The following GEN1 variants were observed in gnomAD, a reference collection of about 807,000 sequenced individuals.
The protein encoded by GEN1 is flap endonuclease GEN homolog 1.
In GEN1, 64 loss-of-function variants were observed where a neutral mutation model predicts 67.6. The ratio of observed to expected loss-of-function variants is 0.95; its 90% CI spans 0.77 to 1.17. GEN1 has a LOEUF of 1.17. Among genes scored for constraint, GEN1 ranks in the 50% most tolerant of loss-of-function variants. The probability of loss-of-function intolerance (pLI) is 0.00; values close to 1 mark genes in which losing one functional copy is unlikely to be tolerated. For synonymous variants in GEN1, 371 were observed against 359.4 expected, an observed-to-expected ratio of 1.03 and a Z score of -0.37; for missense variants, 1,058 against 1,048.3, an observed-to-expected ratio of 1.01 and a Z score of -0.13.
In GEN1 at chr2:17,781,505, AC is replaced by A. The variant is rs1558414031; in HGVS notation, c.2295del (p.Cys766AlafsTer10). The A allele has an allele frequency of 6.2e-7, 1 of 1,613,694 alleles. No individual in the cohort carries two copies. Among genetic ancestry groups the A allele is most frequent in the South Asian group, 1.1e-5 (1 of 91,082 alleles). On this transcript the variant is annotated frameshift_variant, in exon 14 of 14. Coordinates refer to ENST00000381254, the MANE Select transcript of GEN1 (RefSeq NM_001130009.3). LOFTEE classifies it low-confidence loss of function (END_TRUNC). Reference sequence around the variant, plus strand: ...TTCTGTCAGTAACACAGTGGTAAAGACCTGCAATGTTAGACCACCAAATACT... The same window carrying A: ...TTCTGTCAGTAACACAGTGGTAAAGACTGCAATGTTAGACCACCAAATACT... ...PYSVSNTVVK[T>X]CNVRPPNTAL...
intron 1 of GEN1, among the ~76,000 whole-genome samples, chr2:17,759,163 T>C (rs1200735647): frequency 6.6e-6 from 1 of 152,242 alleles, no homozygotes; most frequent in African/African-American, 2.4e-5. Flanking sequence ...GTTGTATTTG[T>C]GTCGTCAGAT....
intron 11 of GEN1, among the ~76,000 whole-genome samples, chr2:17,774,915 C>T (rs964136373): frequency 2.0e-5 from 3 of 151,914 alleles, no homozygotes; most frequent in African/African-American, 7.3e-5. Flanking sequence ...AAAAAACTAA[C>T]CAAATGCTGC....
At position 17,778,464 on chromosome 2, in the gene GEN1, G is replaced by GTGTATCTATA. The variant is rs1558410267; in HGVS notation, c.1264+402_1264+403insGTATCTATAT. Among the ~76,000 whole-genome samples the GTGTATCTATA allele has an allele frequency of 3.9e-3, 113 of 29,312 alleles. 27 individuals are homozygous for GTGTATCTATA. Among genetic ancestry groups the GTGTATCTATA allele is most frequent in the Non-Finnish European group, 4.0e-3 (47 of 11,640 alleles). 19.2% of individuals were successfully genotyped at this position (29,312 alleles called of 152,430 possible). The stretch of plus-strand genomic sequence containing the variant: ...CACACATATATGTGTGTACATATAT[G>GTGTATCTATA]TATATACACACACAGCATGTGTGTG... On this transcript the variant is annotated intron_variant, in intron 12 of 13. Coordinates refer to ENST00000381254, the MANE Select transcript of GEN1 (RefSeq NM_001130009.3).
Position 17,778,006 on chromosome 2 carries a change from G to A in GEN1, c.1207G>A (p.Val403Ile), listed in dbSNP as rs1204822002. 1.3e-6 allele frequency: 2 copies of A among 1,582,420 alleles called. No individual in the cohort carries two copies. The highest frequency in any genetic ancestry group is 1.7e-6 in the Non-Finnish European group (2 of 1,153,302). ...TTAAATGAATTTGTTTTTCAGAATT[G>A]TTAAGACTCGAATCAGAAATGGAGT... is the stretch of plus-strand genomic sequence containing the variant. The part of the protein sequence containing the change: ...NSNQLQPIRI[V>I]KTRIRNGVHC... The change falls in exon 12 of 14, where the codon GTT (valine) becomes ATT (isoleucine). Residue 403 changes from valine (V) to isoleucine (I), a missense_variant. Coordinates refer to ENST00000381254, the MANE Select transcript of GEN1 (RefSeq NM_001130009.3).
chr2:17,764,838 G>A, intron 3 of GEN1, 59 bp from the exon 4 acceptor site: 1 of 1,469,400 alleles, frequency 6.8e-7, no homozygotes, highest in Non-Finnish European at 9.3e-7. Context: ...AGGTTTAATA[G>A]TAAATAAATG....
intron 6 of GEN1, chr2:17,770,957 A>G (rs148055028): frequency 9.6e-4 from 474 of 491,812 alleles, no homozygotes; most frequent in African/African-American, 7.4e-3. Flanking sequence ...ACCGATATAT[A>G]GATACACACA....
At chr2:17,753,419 G>A (rs1444830111), upstream of GEN1, among the ~76,000 whole-genome samples, 1 of 76,138 alleles carries the variant, frequency 1.3e-5, no homozygotes, top group Non-Finnish European at 2.8e-5. Flanking sequence ...GTGCCGCCTC[G>A]GAGAGCGCGC....
Position 17,781,407 on chromosome 2 carries a change from C to A in GEN1, c.2195C>A (p.Ser732Tyr). The A allele has an allele frequency of 1.9e-6, 3 of 1,613,632 alleles. No individual in the cohort carries two copies. The highest frequency in any genetic ancestry group is 1.7e-6 in the Non-Finnish European group (2 of 1,179,878). Residue 732 changes from serine to tyrosine, a missense_variant, in exon 14 of 14, where the codon TCC becomes TAC. Ser to Tyr is a moderately radical substitution (Grantham distance 144). Transcript: ENST00000381254. ...DLPGIPLQNE[S>Y]RDSKILKGDQ... ...CCAGGAATTCCCTTGCAAAATGAATCCAGAGACTCTAAAATTCTAAAAGGA... is the reference window on the plus strand; with the variant it reads ...CCAGGAATTCCCTTGCAAAATGAATACAGAGACTCTAAAATTCTAAAAGGA...
chr2:17,775,619 G>A (rs1292573424), intron 11 of GEN1, among the ~76,000 whole-genome samples: 1 of 152,170 alleles, frequency 6.6e-6, no homozygotes, highest in African/African-American at 2.4e-5. Context: ...AAAACCATTA[G>A]ATGAAAGATT....
At position 17,780,807 on chromosome 2, in the gene GEN1, C is replaced by T; in HGVS notation, c.1595C>T (p.Pro532Leu). The T allele has an allele frequency of 6.2e-7, 1 of 1,613,918 alleles. No homozygotes were observed. The highest frequency in any genetic ancestry group is 8.5e-7 in the Non-Finnish European group (1 of 1,179,912). The part of the protein sequence containing the change: ...ISASLNSLLL[P>L]KNTPCLNAQE... Reference sequence around the variant, plus strand: ...GCCTCATTGAATAGCTTGCTTTTACCTAAAAATACTCCATGTTTGAATGCA... The same window carrying T: ...GCCTCATTGAATAGCTTGCTTTTACTTAAAAATACTCCATGTTTGAATGCA... Residue 532 changes from proline (P) to leucine (L), a missense_variant, in exon 14 of 14, where the codon CCT (proline) becomes CTT (leucine). Physicochemically the swap from Pro to Leu is moderately conservative, Grantham distance 98 (BLOSUM62 -3). Coordinates refer to ENST00000381254, the MANE Select transcript of GEN1 (RefSeq NM_001130009.3).
intron 13 of GEN1, 31 bp downstream of exon 13, chr2:17,780,152 C>T (rs756136723): frequency 2.5e-6 from 4 of 1,576,986 alleles, no homozygotes; most frequent in African/African-American, 2.7e-5. Flanking sequence ...CTATTTATGC[C>T]ACATGCAAAT....
At chr2:17,759,387 T>C (rs1036995453) in intron 1 of GEN1, among the ~76,000 whole-genome samples, 1 of 152,232 alleles carries the variant, frequency 6.6e-6, no homozygotes, top group Non-Finnish European at 1.5e-5. Context: ...TTAAAAGTTA[T>C]AAGTGATTAA....
intron 11 of GEN1, among the ~76,000 whole-genome samples, chr2:17,777,565 A>G (rs2125161312): frequency 6.6e-6 from 1 of 152,316 alleles, no homozygotes; most frequent in Non-Finnish European, 1.5e-5. Context: ...CCAAAAATGT[A>G]AGCAGATTAA....
chr2:17,778,030 GTTCA>G lies in GEN1; in HGVS notation c.1234_1237del (p.His412ValfsTer4), dbSNP rs940620784. 7 of 1,596,294 alleles carry G rather than the reference GTTCA, an allele frequency of 4.4e-6. No homozygotes were observed. The African/African-American group carries it at 6.7e-5, about 15-fold the overall frequency. ...TGTTAAGACTCGAATCAGAAATGGA[GTTCA>G]TTGTTTTGAAATAGAATGGGAAAAG... On this transcript the variant is annotated frameshift_variant, in exon 12 of 14. Transcript: ENST00000381254. LOFTEE classifies it high-confidence loss of function.
At position 17,780,679 on chromosome 2, in the gene GEN1, A is replaced by G. The variant is rs1672780858; in HGVS notation, c.1467A>G (p.Ser489=). 1 of 1,612,758 alleles carries G rather than the reference A, an allele frequency of 6.2e-7. No individual in the cohort carries two copies. Among genetic ancestry groups the G allele is most frequent in the Admixed American group, 1.7e-5 (1 of 59,856 alleles). The change falls in exon 14 of 14, where the codon TCA becomes TCG. Residue 489 remains serine (S), a synonymous_variant. Transcript: ENST00000381254. ...CAGATGAAGTAATGAGCTTTCAGTC[A>G]CACATGACTTTAAAACCCACATGTG... The part of the protein sequence containing the change: ...PEPDEVMSFQ[S]HMTLKPTCEI...
At chr2:17,765,147 G>C in intron 4 of GEN1, 74 bp downstream of exon 4, 1 of 1,418,622 alleles carries the variant, frequency 7.0e-7, no homozygotes, top group South Asian at 1.2e-5. Context: ...AAATGAAATA[G>C]TAGATATAAA....
Position 17,761,471 on chromosome 2 carries a change from A to G in GEN1, c.237A>G (p.Pro79=), listed in dbSNP as rs1017098698. The change falls in exon 3 of 14, where the codon CCA becomes CCG. Residue 79 remains proline, a synonymous_variant. Transcript: ENST00000381254. ...KLVFVMEGEP[P]KLKADVISKR... is the part of the protein sequence containing the mutation. The stretch of plus-strand genomic sequence containing the variant: ...TATTTGTTATGGAAGGGGAACCACC[A>G]AAGCTGAAAGCTGATGTCATAAGCA... 7.4e-6 allele frequency: 12 copies of G among 1,613,008 alleles called. No homozygotes were observed. Among genetic ancestry groups the G allele is most frequent in the East Asian group, 2.2e-5 (1 of 44,872 alleles).
chr2:17,776,151 G>GT, intron 11 of GEN1, among the ~76,000 whole-genome samples: 1 of 148,380 alleles, frequency 6.7e-6, no homozygotes, highest in Non-Finnish European at 1.5e-5. Context: ...AGTTTAATCT[G>GT]TATCTAATCA....
In GEN1 at chr2:17,774,312, A is replaced by G; in HGVS notation, c.1113A>G (p.Ala371=). Residue 371 remains alanine (A), a synonymous_variant, in exon 11 of 14, where the codon GCA becomes GCG. Coordinates refer to ENST00000381254, the MANE Select transcript of GEN1 (RefSeq NM_001130009.3). ...LEKMEWPNHY[A]CEKLLVLLTH... ...AAATGGAGTGGCCCAATCACTATGC[A>G]TGTGAGAAATTGCTGGTACTTTTGA... 1 of 1,595,708 alleles carries G rather than the reference A, an allele frequency of 6.3e-7. No homozygotes were observed. Among genetic ancestry groups the G allele is most frequent in the Non-Finnish European group, 8.6e-7 (1 of 1,165,418 alleles).
Sources: allele counts gnomAD v4.1 joint callset (sites outside exome capture counted in the v4.1 genomes callset), GRCh38; gene constraint gnomAD v4.1.1; transcripts MANE v1.5; gene names NCBI Gene and HGNC (gene_info 2026-07-23, HGNC 2026-07-21).